Variants in PDIA6 observed in about 807,000 individuals in gnomAD.
PDIA6 encodes the protein protein disulfide-isomerase A6.
A neutral mutation model predicts 58.4 loss-of-function variants in PDIA6; 29 were observed. That is an observed-to-expected ratio of 0.50 (90% CI 0.37 to 0.68). The LOEUF (loss-of-function observed/expected upper bound fraction) is 0.68, where lower values mean the gene tolerates loss of function less well. Among genes scored for constraint, PDIA6 ranks in the 30% least tolerant of loss-of-function variants. The pLI, the probability that PDIA6 is intolerant of heterozygous loss-of-function variation, is 0.00. For missense variants in PDIA6, 480 were observed against 551.0 expected, an observed-to-expected ratio of 0.87 and a Z score of 1.29; for synonymous variants, 192 against 202.6, an observed-to-expected ratio of 0.95 and a Z score of 0.44.
chr2:10,835,121 G>A (rs1572715505), upstream of PDIA6, among the ~76,000 whole-genome samples: 1 of 151,772 alleles, frequency 6.6e-6, no homozygotes, highest in Admixed American at 6.6e-5. Context: ...GGTGGGGCGG[G>A]CCTACAGCAA....
intron 1 of PDIA6, among the ~76,000 whole-genome samples, chr2:10,803,369 C>T (rs1197648158): frequency 6.6e-6 from 1 of 152,230 alleles, no homozygotes; most frequent in East Asian, 1.9e-4. Context: ...GTTGGTCAGG[C>T]TGGTCTCGAA....
Position 10,784,143 on chromosome 2 carries a change from C to T in PDIA6, c.*115G>A. The T allele has an allele frequency of 1.6e-6, 1 of 634,038 alleles. No individual in the cohort carries two copies. Among genetic ancestry groups the T allele is most frequent in the Non-Finnish European group, 2.6e-6 (1 of 378,122 alleles). The allele number at this position is 634,038 out of a possible 1,614,324, so 39.3% of individuals were successfully genotyped here. A position where few individuals can be genotyped will look rare whatever the true frequency, so the allele number is the denominator to read the frequency against. ...TCAAATGACCAATCAAGTACTACTT[C>T]TTGGTTAAAAGGCCACTGGTAGAGT... is the stretch of plus-strand genomic sequence containing the variant. On this transcript the variant is annotated 3_prime_UTR_variant, in exon 13 of 13. Coordinates refer to ENST00000272227, the MANE Select transcript of PDIA6 (RefSeq NM_005742.4).
chr2:10,837,712 C>G lies in PDIA6; in HGVS notation c.-107G>C. 1.8e-5 allele frequency: 26 copies of G among 1,485,428 alleles called. No individual in the cohort carries two copies. The South Asian group carries it at 3.3e-4, about 19-fold the overall frequency. 92.0% of individuals were successfully genotyped at this position (1,485,428 alleles called of 1,614,324 possible). On this transcript the variant is annotated 5_prime_UTR_variant, in exon 1 of 14. Coordinates refer to the PDIA6 transcript ENST00000404824. ...GCCTGGGCAGCCTGGTGTGCAAGTT[C>G]ATGCCACCCCTGCTGCTTTTTCATG... is the stretch of plus-strand genomic sequence containing the variant.
chr2:10,785,975 A>C lies in PDIA6; in HGVS notation c.1158-945T>G, dbSNP rs181683839. On this transcript the variant is annotated intron_variant, in intron 11 of 12. Coordinates refer to ENST00000272227, the MANE Select transcript of PDIA6 (RefSeq NM_005742.4). ...GTGATCCGCCTGCCTCAGACTCCCA[A>C]AGTGTTGGAATTACAGGCGTGAGCC... 1.3e-4 allele frequency among the ~76,000 whole-genome samples: 19 copies of C among 151,998 alleles called. No individual in the cohort carries two copies. In the East Asian group the frequency reaches 3.5e-3, roughly 28 times the overall value.
chr2:10,808,221 C>T (rs1666841436), intron 1 of PDIA6, among the ~76,000 whole-genome samples: 1 of 152,140 alleles, frequency 6.6e-6, no homozygotes, highest in Non-Finnish European at 1.5e-5. Flanking sequence ...GAGAATTATC[C>T]AGAGTGGTGT....
chr2:10,830,842 C>T (rs1217668818), intron 1 of PDIA6, among the ~76,000 whole-genome samples: 1 of 152,222 alleles, frequency 6.6e-6, no homozygotes, highest in African/African-American at 2.4e-5. Context: ...GGTGCCACCC[C>T]CGCCGGCTGG....
chr2:10,796,296 G>A (rs1666264973), intron 4 of PDIA6, among the ~76,000 whole-genome samples: 2 of 151,904 alleles, frequency 1.3e-5, no homozygotes, highest in African/African-American at 2.4e-5. Context: ...CTCGTGATCC[G>A]CCCGTCTTGG....
upstream of PDIA6, among the ~76,000 whole-genome samples, chr2:10,816,480 T>G (rs1259733862): frequency 6.6e-6 from 1 of 151,446 alleles, no homozygotes; most frequent in Non-Finnish European, 1.5e-5. Context: ...TCTTGTCTCT[T>G]CAGCCTCTAT....
intron 2 of PDIA6, 91 bp downstream of exon 2, chr2:10,802,408 A>G (rs1666550145): frequency 1.3e-6 from 1 of 751,750 alleles, no homozygotes; most frequent in Admixed American, 3.2e-5. Context: ...AAGCTAAACT[A>G]GATGTCTTAA....
At chr2:10,824,355 G>T (rs1197388425) in intron 1 of PDIA6, among the ~76,000 whole-genome samples, 1 of 152,246 alleles carries the variant, frequency 6.6e-6, no homozygotes, top group East Asian at 1.9e-4. Context: ...CACCTGTCGA[G>T]TGTTCTGCTG....
chr2:10,826,255 G>A (rs556239334), intron 1 of PDIA6, among the ~76,000 whole-genome samples: 12 of 152,294 alleles, frequency 7.9e-5, no homozygotes, highest in South Asian at 2.1e-4. Context: ...ATTCAAGTTC[G>A]GAACTAGGAA....
At chr2:10,809,637 C>A in intron 1 of PDIA6, among the ~76,000 whole-genome samples, 1 of 98,948 alleles carries the variant, frequency 1.0e-5, no homozygotes, top group Middle Eastern at 0.01. Flanking sequence ...CAGAGCAAGA[C>A]CCGGTCTCAA....
chr2:10,833,685 G>C (rs1265971596), upstream of PDIA6, among the ~76,000 whole-genome samples: 1 of 152,198 alleles, frequency 6.6e-6, no homozygotes, highest in African/African-American at 2.4e-5. Context: ...ACACAGATTG[G>C]AACTCCCGGA....
At chr2:10,787,490 C>T (rs755010021) in intron 10 of PDIA6, 51 bp from the exon 11 acceptor site, 6 of 1,522,794 alleles carry the variant, frequency 3.9e-6, no homozygotes, top group East Asian at 2.3e-5. Context: ...AAATTGCTTA[C>T]GATCTAACTA....
Position 10,802,643 on chromosome 2 carries a change from G to T in PDIA6, c.20-3C>A. ...AAAGAAGGTACAGCTCACCAGACCT[G>T]AAGATAAAAACAAAAGTGCACCATT... On this transcript the variant is annotated splice_polypyrimidine_tract_variant and splice_region_variant and intron_variant, in intron 1 of 12. Transcript: ENST00000272227. 7.0e-7 allele frequency: 1 copy of T among 1,433,738 alleles called. No homozygotes were observed. The highest frequency in any genetic ancestry group is 9.2e-7 in the Non-Finnish European group (1 of 1,091,624). The allele number at this position is 1,433,738 out of a possible 1,614,324, so 88.8% of individuals were successfully genotyped here. A position where few individuals can be genotyped will look rare whatever the true frequency, so the allele number is the denominator to read the frequency against.
At chr2:10,823,197 G>C (rs1572704135) in intron 1 of PDIA6, 2 of 152,356 alleles carry the variant, frequency 1.3e-5, no homozygotes, top group Admixed American at 1.3e-4. Context: ...CAAGGGTGCA[G>C]TCTCATTGTC....
chr2:10,789,288 C>T (rs1355334889), intron 8 of PDIA6, among the ~76,000 whole-genome samples: 1 of 152,150 alleles, frequency 6.6e-6, no homozygotes, highest in Non-Finnish European at 1.5e-5. Flanking sequence ...ATTATACTTA[C>T]ATGTATTATA....
chr2:10,814,281 C>T (rs555524286), upstream of PDIA6, among the ~76,000 whole-genome samples: 28 of 152,312 alleles, frequency 1.8e-4, no homozygotes, highest in African/African-American at 6.5e-4. Flanking sequence ...GGCACAGCAG[C>T]CCTCTGAAGT....
At chr2:10,832,511 G>A (rs937097799), upstream of PDIA6, 1 of 861,384 alleles carries the variant, frequency 1.2e-6, no homozygotes, top group Non-Finnish European at 1.4e-6. Context: ...GTGACCGCAA[G>A]GGGGCGCTCT....
Sources: gnomAD v4.1 joint callset for allele counts (sites outside exome capture counted in the v4.1 genomes callset) on GRCh38, gnomAD v4.1.1 for gene constraint, MANE v1.5 for transcripts, NCBI Gene and HGNC (gene_info 2026-07-23, HGNC 2026-07-21) for gene names.